Variants in ARHGEF26 observed in about 807,000 individuals in gnomAD.
The protein encoded by ARHGEF26 is Rho guanine nucleotide exchange factor (GEF) 26.
ARHGEF26 carries 59 observed loss-of-function variants against 89.4 expected under a neutral mutation model. The observed-to-expected ratio is 0.66, with a 90% CI of 0.54 to 0.82. The LOEUF is 0.82. ARHGEF26 is among the 40% of genes least tolerant of loss of function. ARHGEF26 has a pLI of 0.00. For synonymous variants in ARHGEF26, 500 were observed against 428.4 expected (o/e 1.17, Z -2.06); for missense variants, 1,234 against 1,085.6 (o/e 1.14, Z -1.92).
chr3:154,158,567 T>C (rs1229222108), intron 6 of ARHGEF26, among the ~76,000 whole-genome samples: 1 of 152,152 alleles, frequency 6.6e-6, no homozygotes. Flanking sequence ...CCAACTCTAC[T>C]TCCTTCCTGT....
At position 154,256,139 on chromosome 3, in the gene ARHGEF26, C is replaced by G. The variant is rs953817234; in HGVS notation, c.*666C>G. The G allele has an allele frequency of 1.5e-4, 151 of 984,948 alleles. No individual in the cohort carries two copies. Among genetic ancestry groups the G allele is most frequent in the Non-Finnish European group, 1.7e-4 (144 of 829,304 alleles). 61.0% of individuals were successfully genotyped at this position (984,948 alleles called of 1,614,324 possible). The stretch of plus-strand genomic sequence containing the variant: ...AAAATCCATCTCACCCCATATTGTT[C>G]TTAAATAAGTATAGACTAATTAACC... On this transcript the variant is annotated 3_prime_UTR_variant, in exon 15 of 15. Transcript: ENST00000465093.
rs376872622 is a variant in ARHGEF26 at position 154,122,412 on chromosome 3, G to T, written c.420G>T (p.Pro140=). 3 of 1,610,144 alleles carry T rather than the reference G, an allele frequency of 1.9e-6. No individual in the cohort carries two copies. The African/African-American group carries it at 4.0e-5, about 22-fold the overall frequency. The change falls in exon 2 of 15, where the codon CCG becomes CCT. Residue 140 remains proline, a synonymous_variant. Coordinates refer to ENST00000465093, the MANE Select transcript of ARHGEF26 (RefSeq NM_015595.4). ...NGAVTLPAPP[P]PPVLRPPRTP... ...CGGTGACCTTGCCTGCGCCGCCGCC[G>T]CCGCCGGTTCTGCGCCCCCCGCGGA...
In ARHGEF26 at chr3:154,159,262, A is replaced by C. The variant is rs117725618; in HGVS notation, c.1487+6330A>C. On this transcript the variant is annotated intron_variant, in intron 6 of 14. Transcript: ENST00000465093. Reference sequence around the variant, plus strand: ...AGTACCCTATAAAAATATGCTACTGAAGACCTTTGCAAGGTACTTGTTTCT... The same window carrying C: ...AGTACCCTATAAAAATATGCTACTGCAGACCTTTGCAAGGTACTTGTTTCT... Among the ~76,000 whole-genome samples the C allele has an allele frequency of 3.9e-5, 6 of 152,248 alleles. No individual in the cohort carries two copies. In the East Asian group the frequency reaches 1.2e-3, roughly 29 times the overall value.
At chr3:154,194,785 G>GTCT in intron 9 of ARHGEF26, 67 bp downstream of exon 9, 1 of 1,380,358 alleles carries the variant, frequency 7.2e-7, no homozygotes, top group Non-Finnish European at 1.0e-6. Flanking sequence ...CACAAAGTGT[G>GTCT]TCTTGGCTTG....
chr3:154,146,582 G>T (rs369214214), intron 4 of ARHGEF26, among the ~76,000 whole-genome samples: 3 of 151,986 alleles, frequency 2.0e-5, no homozygotes, highest in African/African-American at 7.3e-5. Context: ...ATCTCATTTC[G>T]ACATGCAAAA....
Position 154,187,310 on chromosome 3 carries a change from T to C in ARHGEF26, c.1488-375T>C, listed in dbSNP as rs138203346. ...AGAATTCTTGAAAAATAATGAAATA[T>C]GTTTAGTCTAAAGTACCTGAAGGCA... On this transcript the variant is annotated intron_variant, in intron 6 of 14. Transcript: ENST00000465093. 6,470 of 743,456 alleles carry C rather than the reference T, an allele frequency of 8.7e-3. 37 individuals are homozygous for C. Among genetic ancestry groups the C allele is most frequent in the Non-Finnish European group, 9.8e-3 (5,975 of 609,212 alleles). 46.1% of individuals were successfully genotyped at this position (743,456 alleles called of 1,614,324 possible).
At position 154,257,253 on chromosome 3, in the gene ARHGEF26, G is replaced by A. The variant is rs1464601536; in HGVS notation, c.*1780G>A. On this transcript the variant is annotated 3_prime_UTR_variant, in exon 15 of 15. Transcript: ENST00000465093. ...TTGTAAAATATATTTCAGACCGTGAGTACCTTGAGATCTGAGCAACTGTGT... is the reference window on the plus strand; with the variant it reads ...TTGTAAAATATATTTCAGACCGTGAATACCTTGAGATCTGAGCAACTGTGT... 1 of 222,600 alleles carries A rather than the reference G, an allele frequency of 4.5e-6. No individual in the cohort carries two copies. Among genetic ancestry groups the A allele is most frequent in the African/African-American group, 2.3e-5 (1 of 44,168 alleles). The allele number at this position is 222,600 out of a possible 1,614,324, so 13.8% of individuals were successfully genotyped here. A position where few individuals can be genotyped will look rare whatever the true frequency, so the allele number is the denominator to read the frequency against.
intron 10 of ARHGEF26, 92 bp from the exon 11 acceptor site, chr3:154,225,764 A>T (rs1716446684): frequency 7.4e-6 from 10 of 1,353,926 alleles, no homozygotes; most frequent in Admixed American, 5.1e-5. Flanking sequence ...GATAAGTATC[A>T]TTTGTTTGAA....
At chr3:154,176,676 T>C (rs1257965926) in intron 6 of ARHGEF26, among the ~76,000 whole-genome samples, 2 of 152,140 alleles carry the variant, frequency 1.3e-5, no homozygotes, top group Non-Finnish European at 2.9e-5. Context: ...GACGGTGTTG[T>C]ATGGTTAGAA....
Position 154,149,439 on chromosome 3 carries a change from A to C in ARHGEF26, c.1320A>C (p.Arg440Ser). The change falls in exon 5 of 15, where the codon AGA becomes AGC. Residue 440 changes from arginine to serine, a missense_variant. Coordinates refer to ENST00000465093, the MANE Select transcript of ARHGEF26 (RefSeq NM_015595.4). The part of the protein sequence containing the change: ...SQTVSQEERK[R>S]QEAIFEVISS... ...CAGTAAGCCAGGAGGAAAGAAAGAG[A>C]CAAGAGGTATGTTTCTACCGAGCAG... is the stretch of plus-strand genomic sequence containing the variant. 1.2e-6 allele frequency: 2 copies of C among 1,607,820 alleles called. No homozygotes were observed. The highest frequency in any genetic ancestry group is 1.7e-6 in the Non-Finnish European group (2 of 1,176,872).
At chr3:154,159,036 C>T (rs1023096941) in intron 6 of ARHGEF26, among the ~76,000 whole-genome samples, 41 of 151,966 alleles carry the variant, frequency 2.7e-4, no homozygotes, top group Non-Finnish European at 2.6e-4. Context: ...ACCCTTCTCC[C>T]ATATTTAGAA....
intron 12 of ARHGEF26, among the ~76,000 whole-genome samples, chr3:154,249,776 C>CT (rs1397312058): frequency 6.6e-6 from 1 of 152,172 alleles, no homozygotes; most frequent in Non-Finnish European, 1.5e-5. Flanking sequence ...ATTGCTTACT[C>CT]TTGTCACTTT....
Position 154,187,643 on chromosome 3 carries a change from T to C in ARHGEF26, c.1488-42T>C, listed in dbSNP as rs554546806. On this transcript the variant is annotated intron_variant, in intron 6 of 14. Coordinates refer to ENST00000465093, the MANE Select transcript of ARHGEF26 (RefSeq NM_015595.4). Reference sequence around the variant, plus strand: ...GGCTAATCTGTTATCTGTTAGAGTGTATGAAAGAAGTGTTAATTTTTTTTT... The same window carrying C: ...GGCTAATCTGTTATCTGTTAGAGTGCATGAAAGAAGTGTTAATTTTTTTTT... The C allele has an allele frequency of 2.0e-6, 3 of 1,530,620 alleles. No individual in the cohort carries two copies. In the South Asian group the frequency reaches 3.7e-5, roughly 19 times the overall value. 94.8% of individuals were successfully genotyped at this position (1,530,620 alleles called of 1,614,324 possible). A position where few individuals can be genotyped will look rare whatever the true frequency, so the allele number is the denominator to read the frequency against.
chr3:154,191,908 AAGTG>A (rs796088973), intron 8 of ARHGEF26, among the ~76,000 whole-genome samples: 19 of 152,234 alleles, frequency 1.2e-4, no homozygotes, highest in African/African-American at 4.3e-4. Context: ...GCATTGTGCG[AAGTG>A]AGTGAGGAAA....
intron 10 of ARHGEF26, among the ~76,000 whole-genome samples, chr3:154,218,766 A>G (rs2108248521): frequency 6.6e-6 from 1 of 152,372 alleles, no homozygotes; most frequent in East Asian, 1.9e-4. Flanking sequence ...GGATTACTGC[A>G]TGCTTGCTTT....
At chr3:154,228,323 G>A (rs923564480) in intron 11 of ARHGEF26, among the ~76,000 whole-genome samples, 2 of 151,850 alleles carry the variant, frequency 1.3e-5, no homozygotes, top group Non-Finnish European at 2.9e-5. Flanking sequence ...TTTTAGTAGA[G>A]ATGGGGTTTC....
chr3:154,125,780 AT>A (rs909350077), intron 3 of ARHGEF26, among the ~76,000 whole-genome samples: 2 of 152,028 alleles, frequency 1.3e-5, no homozygotes, highest in South Asian at 2.1e-4. Context: ...TGACCTAGAA[AT>A]TTTTTTCATG....
intron 6 of ARHGEF26, among the ~76,000 whole-genome samples, chr3:154,153,611 C>T (rs1170927837): frequency 1.3e-5 from 2 of 151,770 alleles, no homozygotes; most frequent in African/African-American, 2.4e-5. Flanking sequence ...AAGTTTTGTA[C>T]GTGTAAGTAG....
At chr3:154,160,738 G>C (rs1357376583) in intron 6 of ARHGEF26, among the ~76,000 whole-genome samples, 7 of 152,060 alleles carry the variant, frequency 4.6e-5, no homozygotes, top group Admixed American at 4.6e-4. Flanking sequence ...ATAGATAATT[G>C]CTGTGTTAAT....
Sources: gnomAD v4.1 joint callset for allele counts (sites outside exome capture counted in the v4.1 genomes callset) on GRCh38, gnomAD v4.1.1 for gene constraint, MANE v1.5 for transcripts, NCBI Gene and HGNC (gene_info 2026-07-23, HGNC 2026-07-21) for gene names.